The following SIDT1 variants were observed in gnomAD, a reference collection of about 807,000 sequenced individuals.
The protein encoded by SIDT1 is SID1 transmembrane family, member 1.
In SIDT1, 101 loss-of-function variants were observed where a neutral mutation model predicts 107.5. The ratio of observed to expected loss-of-function variants is 0.94; its 90% CI spans 0.80 to 1.11. SIDT1 has a LOEUF of 1.11. Among genes scored for constraint, SIDT1 ranks in the 50% least tolerant of loss-of-function variants. SIDT1 has a pLI of 0.00. For missense variants in SIDT1, 1,076 were observed against 1,058.2 expected (o/e 1.02, Z -0.23); for synonymous variants, 395 against 398.2 (o/e 0.99, Z 0.10).
chr3:113,580,838 G>C lies in SIDT1; in HGVS notation c.663+129G>C, dbSNP rs1364862318. On this transcript the variant is annotated intron_variant, in intron 5 of 24. Coordinates refer to ENST00000264852, the MANE Select transcript of SIDT1 (RefSeq NM_017699.3). ...CCCTTCCAAAACTACTAAACAATACGAACAGTATCTGTGAGCACGAGTGGG... is the reference window on the plus strand; with the variant it reads ...CCCTTCCAAAACTACTAAACAATACCAACAGTATCTGTGAGCACGAGTGGG... 6.1e-6 allele frequency: 4 copies of C among 655,726 alleles called. No individual in the cohort carries two copies. The Admixed American group carries it at 9.5e-5, about 16-fold the overall frequency. 40.6% of individuals were successfully genotyped at this position (655,726 alleles called of 1,614,324 possible).
At chr3:113,603,862 T>C (rs1945137825) in intron 12 of SIDT1, 98 bp from the exon 13 acceptor site, 1 of 787,842 alleles carries the variant, frequency 1.3e-6, no homozygotes, top group East Asian at 2.8e-5. Flanking sequence ...ATTTTAACAA[T>C]TTTAATTTAA....
At chr3:113,561,272 T>A (rs1941404911) in intron 1 of SIDT1, among the ~76,000 whole-genome samples, 2 of 152,316 alleles carry the variant, frequency 1.3e-5, no homozygotes, top group South Asian at 4.1e-4. Context: ...TAATCCACTA[T>A]CTGTTCATCT....
chr3:113,610,308 A>C (rs750731355), intron 17 of SIDT1, among the ~76,000 whole-genome samples: 1 of 152,220 alleles, frequency 6.6e-6, no homozygotes, highest in Non-Finnish European at 1.5e-5. Context: ...CTATTTTACC[A>C]AAAACTGACA....
intron 20 of SIDT1, among the ~76,000 whole-genome samples, chr3:113,617,228 G>A (rs1259367623): frequency 1.3e-5 from 2 of 152,182 alleles, no homozygotes; most frequent in Admixed American, 6.5e-5. Context: ...TCCACATTAT[G>A]CATTTCTGTA....
chr3:113,586,744 C>A (rs1943771888), intron 9 of SIDT1, among the ~76,000 whole-genome samples: 1 of 152,206 alleles, frequency 6.6e-6, no homozygotes. Flanking sequence ...AGATGTGACA[C>A]TCTGAGAAGG....
chr3:113,588,346 A>G (rs1029595428), intron 9 of SIDT1, among the ~76,000 whole-genome samples: 2 of 152,258 alleles, frequency 1.3e-5, no homozygotes, highest in Non-Finnish European at 2.9e-5. Flanking sequence ...AAATGCTAAT[A>G]GGAGAACTTT....
rs150755448 is a variant in SIDT1, at chr3:113,574,300, C to T, written c.516-2622C>T. 1.4e-3 allele frequency among the ~76,000 whole-genome samples: 207 copies of T among 152,132 alleles called. 1 individual carries two copies. The highest frequency in any genetic ancestry group is 4.4e-3 in the African/African-American group (183 of 41,484). On this transcript the variant is annotated intron_variant, in intron 3 of 24. Coordinates refer to ENST00000264852, the MANE Select transcript of SIDT1 (RefSeq NM_017699.3). ...AGACAGTTCCCAATGACAAGAAGGT[C>T]GGTGGGAAAGCTACAGTCCTGAAGG...
chr3:113,577,153 T>C (rs1942967660), intron 4 of SIDT1, among the ~76,000 whole-genome samples, 186 bp downstream of exon 4: 1 of 152,260 alleles, frequency 6.6e-6, no homozygotes, highest in Non-Finnish European at 1.5e-5. Context: ...TATTTAATCA[T>C]ATCACCTTAA....
chr3:113,626,829 G>T (rs1242337820), intron 24 of SIDT1, among the ~76,000 whole-genome samples: 2 of 152,090 alleles, frequency 1.3e-5, no homozygotes, highest in Non-Finnish European at 2.9e-5. Context: ...AGTCCATGGT[G>T]CCTGTAGGCA....
rs59710291 is a variant in SIDT1 at position 113,586,187 on chromosome 3, C to G, written c.1001+917C>G. ...ATGAAATTTTTGAGTTCAGATATTG[C>G]CTTCAAAAACAGTAGATGACTGCTG... On this transcript the variant is annotated intron_variant, in intron 9 of 24. Coordinates refer to ENST00000264852, the MANE Select transcript of SIDT1 (RefSeq NM_017699.3). Among the ~76,000 whole-genome samples, 643 of 152,182 alleles carry G rather than the reference C, an allele frequency of 4.2e-3. 2 individuals carry two copies. Among genetic ancestry groups the G allele is most frequent in the African/African-American group, 0.015 (619 of 41,502 alleles).
downstream of SIDT1, among the ~76,000 whole-genome samples, chr3:113,633,779 G>T (rs1379303393): frequency 6.6e-6 from 1 of 152,194 alleles, no homozygotes. Flanking sequence ...GGGGACGGGG[G>T]ACTAAAGGAG....
chr3:113,553,827 C>T (rs1039752655), intron 1 of SIDT1, among the ~76,000 whole-genome samples: 5 of 152,178 alleles, frequency 3.3e-5, no homozygotes, highest in African/African-American at 1.2e-4. Flanking sequence ...GGGCGGATCA[C>T]CTGGGGCCAG....
chr3:113,585,337 A>G, intron 9 of SIDT1, 67 bp downstream of exon 9: 1 of 1,166,698 alleles, frequency 8.6e-7, no homozygotes, highest in Non-Finnish European at 1.3e-6. Context: ...TGCAGCACAG[A>G]CTTGACAGAT....
chr3:113,550,353 C>T (rs1337672626), intron 1 of SIDT1, among the ~76,000 whole-genome samples: 1 of 152,264 alleles, frequency 6.6e-6, no homozygotes, highest in African/African-American at 2.4e-5. Flanking sequence ...TTGTTCTTTA[C>T]GTTCTGATTC....
chr3:113,566,328 TTGTG>T (rs1367969280), intron 1 of SIDT1, 88 bp from the exon 2 acceptor site: 5 of 1,235,876 alleles, frequency 4.0e-6, no homozygotes, highest in Non-Finnish European at 5.7e-6. Context: ...GTGTGTGTGT[TTGTG>T]TGTGTTTGTG....
intron 3 of SIDT1, among the ~76,000 whole-genome samples, chr3:113,574,280 G>T (rs1253443139): frequency 6.6e-6 from 1 of 152,196 alleles, no homozygotes; most frequent in African/African-American, 2.4e-5. Flanking sequence ...AGGGCAGACA[G>T]TTCCCAATGA....
intron 14 of SIDT1, among the ~76,000 whole-genome samples, 181 bp downstream of exon 14, chr3:113,605,157 C>T (rs574975793): frequency 5.4e-5 from 6 of 110,532 alleles, no homozygotes; most frequent in Admixed American, 1.1e-4. Context: ...GAGTCTCGCT[C>T]TGTCACCCTG....
intron 20 of SIDT1, among the ~76,000 whole-genome samples, chr3:113,619,330 C>T (rs1314613669): frequency 6.6e-6 from 1 of 152,154 alleles, no homozygotes; most frequent in Non-Finnish European, 1.5e-5. Flanking sequence ...TACATAGTAC[C>T]AGTGACAGAA....
At chr3:113,550,008 T>C (rs1940035950) in intron 1 of SIDT1, among the ~76,000 whole-genome samples, 1 of 152,220 alleles carries the variant, frequency 6.6e-6, no homozygotes, top group African/African-American at 2.4e-5. Flanking sequence ...TCTCCCTATA[T>C]TTTTAGCATT....
Sources: allele counts gnomAD v4.1 joint callset (sites outside exome capture counted in the v4.1 genomes callset), GRCh38; gene constraint gnomAD v4.1.1; transcripts MANE v1.5; gene names NCBI Gene and HGNC (gene_info 2026-07-23, HGNC 2026-07-21).